LINGO2: variants seen among roughly 807,000 people sequenced by gnomAD.
LINGO2 encodes leucine-rich repeat and immunoglobulin-like domain-containing nogo receptor-interacting protein 2.
Under a neutral mutation model 30.6 loss-of-function variants are expected in LINGO2, and 14 were observed. The ratio of observed to expected loss-of-function variants is 0.46; its 90% CI spans 0.30 to 0.72. The LOEUF is 0.72. Among genes scored for constraint, LINGO2 ranks in the 30% least tolerant of loss-of-function variants. LINGO2 has a pLI of 0.07. For synonymous variants in LINGO2, 317 were observed against 288.5 expected (o/e 1.10, Z -1.00); for missense variants, 729 against 751.7 (o/e 0.97, Z 0.35).
intron 1 of LINGO2, among the ~76,000 whole-genome samples, chr9:28,520,925 C>G (rs1297585320): frequency 6.6e-6 from 1 of 152,092 alleles, no homozygotes; most frequent in African/African-American, 2.4e-5. Flanking sequence ...ACAATAGTAC[C>G]TGCATCACTC....
chr9:28,617,916 A>G (rs956114316), intron 1 of LINGO2, among the ~76,000 whole-genome samples: 3 of 152,156 alleles, frequency 2.0e-5, no homozygotes, highest in Admixed American at 6.5e-5. Flanking sequence ...AAAAAGATAC[A>G]TGGTATAAAT....
At chr9:28,447,180 A>G (rs1212327656) in intron 2 of LINGO2, among the ~76,000 whole-genome samples, 1 of 152,142 alleles carries the variant, frequency 6.6e-6, no homozygotes, top group Non-Finnish European at 1.5e-5. Flanking sequence ...ATTACTTTTC[A>G]TAATTGCAAC....
At chr9:28,589,591 CA>C (rs1476662244) in intron 1 of LINGO2, among the ~76,000 whole-genome samples, 2 of 152,118 alleles carry the variant, frequency 1.3e-5, no homozygotes, top group African/African-American at 4.8e-5. Context: ...ATCCAACTTA[CA>C]AGGGATGTGA....
At chr9:28,326,176 T>G (rs1227117777) in intron 3 of LINGO2, among the ~76,000 whole-genome samples, 1 of 152,084 alleles carries the variant, frequency 6.6e-6, no homozygotes, top group East Asian at 1.9e-4. Flanking sequence ...GTGACTAATT[T>G]TTGTATTTTT....
At chr9:28,304,073 A>T (rs995244169) in intron 3 of LINGO2, among the ~76,000 whole-genome samples, 100 of 152,188 alleles carry the variant, frequency 6.6e-4, no homozygotes, top group African/African-American at 2.4e-3. Flanking sequence ...ATCTAGGTGC[A>T]CAAGCTTCTT....
chr9:28,050,853 TTGG>T (rs1405696495), intron 4 of LINGO2, among the ~76,000 whole-genome samples: 1 of 151,000 alleles, frequency 6.6e-6, no homozygotes, highest in Non-Finnish European at 1.5e-5. Context: ...AATGTTCAAT[TTGG>T]TGATTTTATA....
chr9:28,168,250 A>T (rs1291249092), intron 4 of LINGO2, among the ~76,000 whole-genome samples: 1 of 152,180 alleles, frequency 6.6e-6, no homozygotes, highest in Non-Finnish European at 1.5e-5. Context: ...ACAGTTTTTG[A>T]TTAAGCCATG....
chr9:28,271,268 TTTACATATATTCAC>T lies in LINGO2; in HGVS notation c.-87+23926_-87+23939del, dbSNP rs1822930728. Reference sequence around the variant, plus strand: ...GCAATGTTTTAGTCAAATTACTACCTTTACATATATTCACTTATAAATGACTTTTTCCCACTAAG... The same window carrying T: ...GCAATGTTTTAGTCAAATTACTACCTTTATAAATGACTTTTTCCCACTAAG... On this transcript the variant is annotated intron_variant, in intron 4 of 5. Coordinates refer to ENST00000379992, the Ensembl canonical transcript of LINGO2. Among the ~76,000 whole-genome samples, 5 of 152,132 alleles carry T rather than the reference TTTACATATATTCAC, an allele frequency of 3.3e-5. No homozygotes were observed. The South Asian group carries it at 8.3e-4, about 25-fold the overall frequency.
At chr9:28,255,787 A>G (rs1822362483) in intron 4 of LINGO2, among the ~76,000 whole-genome samples, 1 of 152,068 alleles carries the variant, frequency 6.6e-6, no homozygotes. Flanking sequence ...ACTAAATGTG[A>G]TCATATTTGC....
upstream of LINGO2, among the ~76,000 whole-genome samples, chr9:28,674,359 T>G (rs891787251): frequency 1.5e-4 from 23 of 152,168 alleles, no homozygotes; most frequent in African/African-American, 5.3e-4. Flanking sequence ...AGGAATAATT[T>G]GAAAACGAAG....
intron 4 of LINGO2, among the ~76,000 whole-genome samples, chr9:28,146,882 A>G (rs1255680724): frequency 6.6e-6 from 1 of 152,374 alleles, no homozygotes; most frequent in Admixed American, 6.5e-5. Context: ...AGACCAGAGA[A>G]ACTGACTTTT....
At chr9:28,890,092 C>A in the LINGO2 span, among the ~76,000 whole-genome samples, 1 of 152,006 alleles carries the variant, frequency 6.6e-6, no homozygotes, top group Non-Finnish European at 1.5e-5. Context: ...ATTTTACTAC[C>A]ATATGCCCTT....
intron 4 of LINGO2, among the ~76,000 whole-genome samples, chr9:28,286,088 A>G (rs909541290): frequency 1.3e-5 from 2 of 152,190 alleles, no homozygotes; most frequent in Non-Finnish European, 2.9e-5. Flanking sequence ...ATTATGTACT[A>G]CAAGGGCATG....
intron 2 of LINGO2, among the ~76,000 whole-genome samples, chr9:28,456,008 TC>T (rs1457618532): frequency 1.3e-5 from 2 of 152,160 alleles, no homozygotes; most frequent in African/African-American, 4.8e-5. Context: ...ACTTCCATAT[TC>T]CCATGTGTTC....
the LINGO2 span, among the ~76,000 whole-genome samples, chr9:28,964,439 G>C: frequency 1.3e-5 from 2 of 151,936 alleles, no homozygotes; most frequent in African/African-American, 4.8e-5. Context: ...ATTGAGGCAA[G>C]AAGCATCATG....
chr9:28,652,105 T>C (rs1438552089), intron 1 of LINGO2, among the ~76,000 whole-genome samples: 1 of 152,190 alleles, frequency 6.6e-6, no homozygotes, highest in Non-Finnish European at 1.5e-5. Context: ...TTTCTGCATA[T>C]GCCTTTTTTC....
At chr9:29,092,996 G>A in the LINGO2 span, among the ~76,000 whole-genome samples, 1 of 119,334 alleles carries the variant, frequency 8.4e-6, no homozygotes, top group East Asian at 2.9e-4. Flanking sequence ...AATCCTGTAG[G>A]AATGATTAAC....
chr9:28,310,438 T>C (rs1433032390), intron 3 of LINGO2, among the ~76,000 whole-genome samples: 1 of 152,172 alleles, frequency 6.6e-6, no homozygotes, highest in Non-Finnish European at 1.5e-5. Flanking sequence ...GCCAGATTCT[T>C]CTGCAGCCCT....
chr9:28,696,376 A>C, the LINGO2 span, among the ~76,000 whole-genome samples: 1 of 151,926 alleles, frequency 6.6e-6, no homozygotes, highest in African/African-American at 2.4e-5. Flanking sequence ...GTCACACAGA[A>C]GTAAGATTTG....
Sources: allele counts gnomAD v4.1 joint callset (sites outside exome capture counted in the v4.1 genomes callset), GRCh38; gene constraint gnomAD v4.1.1; transcripts MANE v1.5; gene names NCBI Gene and HGNC (gene_info 2026-07-23, HGNC 2026-07-21).